Variants in LYPD6 observed in about 807,000 individuals in gnomAD.
LYPD6 encodes ly6/PLAUR domain-containing protein 6.
A neutral mutation model predicts 22.7 loss-of-function variants in LYPD6; 15 were observed. The observed-to-expected ratio is 0.66, with a 90% CI of 0.44 to 1.02. LYPD6 has a LOEUF of 1.02. LYPD6 is among the 50% of genes least tolerant of loss of function. The pLI, the probability that LYPD6 is intolerant of heterozygous loss-of-function variation, is 0.00. For missense variants in LYPD6, 189 were observed against 208.4 expected (o/e 0.91, Z 0.57); for synonymous variants, 72 against 77.5 (o/e 0.93, Z 0.37).
intron 4 of LYPD6, 26 bp downstream of exon 4, chr2:149,468,801 G>A: frequency 6.2e-7 from 1 of 1,610,890 alleles, no homozygotes; most frequent in South Asian, 1.1e-5. Flanking sequence ...CAAGTGACCA[G>A]TACTACATAG....
At chr2:149,361,698 T>C (rs950876234) in intron 1 of LYPD6, among the ~76,000 whole-genome samples, 6 of 152,218 alleles carry the variant, frequency 3.9e-5, no homozygotes, top group Non-Finnish European at 5.9e-5. Flanking sequence ...AGCAGTTGTA[T>C]CAAATTCATT....
At chr2:149,349,780 A>G (rs1681325580) in intron 1 of LYPD6, among the ~76,000 whole-genome samples, 1 of 152,208 alleles carries the variant, frequency 6.6e-6, no homozygotes, top group Admixed American at 6.5e-5. Flanking sequence ...CACAGACTTT[A>G]TAGACTATCA....
intron 1 of LYPD6, among the ~76,000 whole-genome samples, chr2:149,431,589 T>G (rs928473347): frequency 6.6e-6 from 1 of 152,198 alleles, no homozygotes; most frequent in East Asian, 1.9e-4. Context: ...GTCGGTGATA[T>G]GAATAAACAG....
At chr2:149,361,702 A>G (rs1309922033) in intron 1 of LYPD6, among the ~76,000 whole-genome samples, 1 of 152,184 alleles carries the variant, frequency 6.6e-6, no homozygotes, top group Non-Finnish European at 1.5e-5. Context: ...GTTGTATCAA[A>G]TTCATTTTTA....
chr2:149,461,286 A>T (rs556177427), intron 3 of LYPD6, among the ~76,000 whole-genome samples: 2 of 152,088 alleles, frequency 1.3e-5, no homozygotes, highest in South Asian at 4.1e-4. Context: ...TCAAAAACAT[A>T]AGTTTGACAA....
At chr2:149,332,806 C>T (rs1439173906) in intron 1 of LYPD6, among the ~76,000 whole-genome samples, 4 of 152,152 alleles carry the variant, frequency 2.6e-5, no homozygotes, top group African/African-American at 9.7e-5. Context: ...TCATTTAGCT[C>T]CCACTAAGGT....
At chr2:149,432,500 A>G (rs1412731770) in intron 1 of LYPD6, among the ~76,000 whole-genome samples, 1 of 152,028 alleles carries the variant, frequency 6.6e-6, no homozygotes, top group Admixed American at 6.6e-5. Flanking sequence ...AGCGTAGGGG[A>G]GGGAGGGAGT....
At chr2:149,480,870 G>A in the LYPD6 span, among the ~76,000 whole-genome samples, 1 of 152,128 alleles carries the variant, frequency 6.6e-6, no homozygotes, top group Non-Finnish European at 1.5e-5. Flanking sequence ...AGAATATAAA[G>A]GCCCAGCCCC....
chr2:149,406,210 G>A (rs921055667), intron 1 of LYPD6, among the ~76,000 whole-genome samples: 22 of 151,414 alleles, frequency 1.5e-4, no homozygotes, highest in African/African-American at 4.8e-4. Context: ...TGTATATTCT[G>A]TTGATTTGGG....
At chr2:149,483,067 T>C in the LYPD6 span, among the ~76,000 whole-genome samples, 1 of 152,136 alleles carries the variant, frequency 6.6e-6, no homozygotes, top group Non-Finnish European at 1.5e-5. Context: ...TTTGTCAAGA[T>C]TGCATCTGTC....
At chr2:149,423,664 T>G (rs1317328393) in intron 1 of LYPD6, among the ~76,000 whole-genome samples, 1 of 151,100 alleles carries the variant, frequency 6.6e-6, no homozygotes, top group Admixed American at 6.6e-5. Flanking sequence ...AATTCCTTCA[T>G]GTATAAAATA....
intron 1 of LYPD6, among the ~76,000 whole-genome samples, chr2:149,380,770 C>G (rs924779959): frequency 6.6e-6 from 1 of 152,042 alleles, no homozygotes; most frequent in African/African-American, 2.4e-5. Flanking sequence ...AAGCCATCAG[C>G]CTGGATGAGC....
intron 1 of LYPD6, among the ~76,000 whole-genome samples, chr2:149,404,413 C>T (rs923864845): frequency 2.0e-5 from 3 of 152,082 alleles, no homozygotes; most frequent in African/African-American, 7.2e-5. Context: ...CTTCATTGAG[C>T]GGTGGTTTGT....
chr2:149,416,696 C>T (rs1249644951), intron 1 of LYPD6, among the ~76,000 whole-genome samples: 3 of 152,178 alleles, frequency 2.0e-5, no homozygotes, highest in Non-Finnish European at 2.9e-5. Flanking sequence ...AGCGGGGCTA[C>T]TCCTGTTCTT....
At position 149,443,101 on chromosome 2, in the gene LYPD6, A is replaced by G. The variant is rs185587306; in HGVS notation, c.118+5275A>G. ...TTCAATATACTTTGGGTTCATTTTC[A>G]GAATCCAGGCCTCTTATGTAAGAAA... On this transcript the variant is annotated intron_variant, in intron 2 of 4. Transcript: ENST00000334166. Among the ~76,000 whole-genome samples, 29 of 152,348 alleles carry G rather than the reference A, an allele frequency of 1.9e-4. No individual in the cohort carries two copies. In the East Asian group the frequency reaches 5.4e-3, roughly 28 times the overall value.
At chr2:149,352,090 A>G (rs1460529668) in intron 1 of LYPD6, among the ~76,000 whole-genome samples, 1 of 152,170 alleles carries the variant, frequency 6.6e-6, no homozygotes, top group Non-Finnish European at 1.5e-5. Flanking sequence ...AATGGAGCTT[A>G]TGTGCCAGGG....
the LYPD6 span, among the ~76,000 whole-genome samples, chr2:149,482,795 G>A: frequency 3.3e-5 from 5 of 152,094 alleles, no homozygotes; most frequent in Admixed American, 3.3e-4. Flanking sequence ...AATGCTTCAG[G>A]ATACAGAAAC....
At chr2:149,482,262 A>G in the LYPD6 span, among the ~76,000 whole-genome samples, 1 of 152,142 alleles carries the variant, frequency 6.6e-6, no homozygotes, top group South Asian at 2.1e-4. Flanking sequence ...GAACCGTTTT[A>G]AGGAAGGTTA....
intron 1 of LYPD6, among the ~76,000 whole-genome samples, chr2:149,350,049 C>A (rs1681330825): frequency 6.6e-6 from 1 of 152,178 alleles, no homozygotes; most frequent in African/African-American, 2.4e-5. Flanking sequence ...GCTTTCCCAG[C>A]AACTTTGGGG....
Sources: allele counts gnomAD v4.1 joint callset (sites outside exome capture counted in the v4.1 genomes callset), GRCh38; gene constraint gnomAD v4.1.1; transcripts MANE v1.5; gene names NCBI Gene and HGNC (gene_info 2026-07-23, HGNC 2026-07-21).